The following SETBP1 variants were observed in gnomAD, a reference collection of about 807,000 sequenced individuals.
The protein encoded by SETBP1 is SET binding protein 1.
In SETBP1, 9 loss-of-function variants were observed where a neutral mutation model predicts 101.0. The observed-to-expected ratio is 0.09, with a 90% CI of 0.05 to 0.16. The LOEUF is 0.16. Among genes scored for constraint, SETBP1 ranks in the 10% least tolerant of loss-of-function variants. SETBP1 has a pLI of 1.00. For synonymous variants in SETBP1, 818 were observed against 788.5 expected (o/e 1.04, Z -0.63); for missense variants, 1,858 against 2,033.8 (o/e 0.91, Z 1.66).
intron 4 of SETBP1, among the ~76,000 whole-genome samples, chr18:45,011,775 T>A (rs1403108808): frequency 6.6e-6 from 1 of 152,212 alleles, no homozygotes; most frequent in Non-Finnish European, 1.5e-5. Context: ...TAGTTCTGAA[T>A]GCCACCTCTG....
intron 2 of SETBP1, among the ~76,000 whole-genome samples, chr18:44,704,301 G>T (rs2069173941): frequency 6.6e-6 from 1 of 152,164 alleles, no homozygotes; most frequent in Non-Finnish European, 1.5e-5. Context: ...TTATGGGAAA[G>T]AAATAAAATT....
chr18:44,978,568 A>T (rs2072042304), intron 4 of SETBP1, among the ~76,000 whole-genome samples: 1 of 152,196 alleles, frequency 6.6e-6, no homozygotes, highest in Admixed American at 6.5e-5. Context: ...ACTGGGTTAA[A>T]TGTGATTAGC....
chr18:45,006,758 C>T (rs927959656), intron 4 of SETBP1, among the ~76,000 whole-genome samples: 8 of 152,108 alleles, frequency 5.3e-5, no homozygotes, highest in African/African-American at 1.7e-4. Context: ...GGTCACTTTC[C>T]GAGGTAATAG....
intron 2 of SETBP1, among the ~76,000 whole-genome samples, chr18:44,851,877 G>A (rs539838327): frequency 1.3e-5 from 2 of 152,266 alleles, no homozygotes; most frequent in Admixed American, 1.3e-4. Flanking sequence ...TCACACCGGC[G>A]AGGCTACACT....
chr18:44,831,507 A>G (rs570248685), intron 2 of SETBP1, among the ~76,000 whole-genome samples: 1 of 152,200 alleles, frequency 6.6e-6, no homozygotes, highest in Non-Finnish European at 1.5e-5. Context: ...GATATTCATG[A>G]TTTTCAAACA....
intron 5 of SETBP1, among the ~76,000 whole-genome samples, chr18:45,046,646 G>A (rs761159673): frequency 2.0e-5 from 3 of 152,232 alleles, no homozygotes; most frequent in Non-Finnish European, 4.4e-5. Flanking sequence ...AAACGGGAGA[G>A]TGCATCAGCC....
At chr18:44,918,844 A>G (rs1275622647) in intron 3 of SETBP1, among the ~76,000 whole-genome samples, 2 of 152,168 alleles carry the variant, frequency 1.3e-5, no homozygotes, top group East Asian at 3.8e-4. Context: ...ACTGGGATGG[A>G]CCCCACAAAT....
intron 2 of SETBP1, among the ~76,000 whole-genome samples, chr18:44,755,721 G>C (rs147548668): frequency 2.0e-4 from 30 of 152,110 alleles, no homozygotes; most frequent in African/African-American, 7.2e-4. Context: ...GCTTGCAGAC[G>C]ATCTCTCTTG....
chr18:44,973,136 A>G (rs931044839), intron 4 of SETBP1, among the ~76,000 whole-genome samples: 3 of 152,152 alleles, frequency 2.0e-5, no homozygotes, highest in Non-Finnish European at 4.4e-5. Context: ...TGAGATAATC[A>G]TCTGGTTTTT....
intron 1 of SETBP1, among the ~76,000 whole-genome samples, chr18:44,681,284 A>T (rs1481178517): frequency 6.6e-6 from 1 of 152,126 alleles, no homozygotes; most frequent in African/African-American, 2.4e-5. Context: ...TTCGGTATCG[A>T]TTTATTGTTT....
chr18:44,729,332 C>T (rs1009938457), intron 2 of SETBP1, among the ~76,000 whole-genome samples: 1 of 152,130 alleles, frequency 6.6e-6, no homozygotes, highest in African/African-American at 2.4e-5. Flanking sequence ...CAAGAGATGC[C>T]AGCTAGAGGC....
intron 4 of SETBP1, among the ~76,000 whole-genome samples, chr18:45,031,695 G>A (rs2073301015): frequency 6.6e-6 from 1 of 152,184 alleles, no homozygotes; most frequent in South Asian, 2.1e-4. Flanking sequence ...TATCTACCAA[G>A]CTAGGTGCCG....
intron 2 of SETBP1, among the ~76,000 whole-genome samples, chr18:44,761,626 C>T (rs2070649486): frequency 6.6e-6 from 1 of 152,180 alleles, no homozygotes; most frequent in Non-Finnish European, 1.5e-5. Context: ...TGAGTAAGGG[C>T]AGCCATAGAT....
chr18:44,775,135 C>T (rs746298942), intron 2 of SETBP1, among the ~76,000 whole-genome samples: 15 of 152,130 alleles, frequency 9.9e-5, no homozygotes, highest in Non-Finnish European at 1.9e-4. Flanking sequence ...TGTCCTGGAT[C>T]CTTTTTTCTT....
rs74771718 is a variant in SETBP1 at position 44,992,927 on chromosome 18, C to T, written c.4000+39587C>T. ...AAATTCCAGACAAAATAAAAACAAA[C>T]GTAATCTAGAAATATATTTTAAAGA... On this transcript the variant is annotated intron_variant, in intron 4 of 5. Transcript: ENST00000649279. 2.7e-3 allele frequency among the ~76,000 whole-genome samples: 412 copies of T among 152,004 alleles called. 1 individual carries two copies. Among genetic ancestry groups the T allele is most frequent in the African/African-American group, 9.4e-3 (389 of 41,524 alleles).
chr18:44,987,606 A>G (rs897426300), intron 4 of SETBP1: 4 of 152,218 alleles, frequency 2.6e-5, no homozygotes, highest in Non-Finnish European at 5.9e-5. Context: ...CAAGATGGGT[A>G]ATGTTAGTTT....
chr18:44,945,685 C>T lies in SETBP1; in HGVS notation c.541-4196C>T, dbSNP rs1448858592. 2.0e-5 allele frequency among the ~76,000 whole-genome samples: 3 copies of T among 152,144 alleles called. No individual in the cohort carries two copies. In the East Asian group the frequency reaches 5.8e-4, roughly 29 times the overall value. Reference sequence around the variant, plus strand: ...TGGAATGTCATTGACTGTTCCCTCACATGTTAGCTGTTTTAGGAGATAGTT... The same window carrying T: ...TGGAATGTCATTGACTGTTCCCTCATATGTTAGCTGTTTTAGGAGATAGTT... On this transcript the variant is annotated intron_variant, in intron 3 of 5. Coordinates refer to ENST00000649279, the MANE Select transcript of SETBP1 (RefSeq NM_015559.3).
At chr18:44,766,604 T>G (rs896855214) in intron 2 of SETBP1, among the ~76,000 whole-genome samples, 1 of 152,038 alleles carries the variant, frequency 6.6e-6, no homozygotes, top group Non-Finnish European at 1.5e-5. Flanking sequence ...ATGAAAAGAG[T>G]TCTGTGGATG....
chr18:44,856,588 T>C (rs2072981764), intron 2 of SETBP1, among the ~76,000 whole-genome samples: 2 of 152,338 alleles, frequency 1.3e-5, no homozygotes, highest in Admixed American at 6.5e-5. Flanking sequence ...TATCTTGAAA[T>C]AGGACAAGAC....
Sources: gnomAD v4.1 joint callset for allele counts (sites outside exome capture counted in the v4.1 genomes callset) on GRCh38, gnomAD v4.1.1 for gene constraint, MANE v1.5 for transcripts, NCBI Gene and HGNC (gene_info 2026-07-23, HGNC 2026-07-21) for gene names.